The following PCDHA6 variants were observed in gnomAD, a reference collection of about 807,000 sequenced individuals.
PCDHA6 encodes the protein protocadherin alpha 6.
PCDHA6 carries 55 observed loss-of-function variants against 60.3 expected under a neutral mutation model. That is an observed-to-expected ratio of 0.91 (90% CI 0.73 to 1.14). The LOEUF (loss-of-function observed/expected upper bound fraction) is 1.14, where lower values mean the gene tolerates loss of function less well. PCDHA6 is among the 50% of genes most tolerant of loss of function. PCDHA6 has a pLI of 0.00. For missense variants in PCDHA6, 1,327 were observed against 1,256.5 expected (o/e 1.06, Z -0.85); for synonymous variants, 652 against 557.9 (o/e 1.17, Z -2.38).
chr5:140,870,147 A>G (rs1554163846), intron 1 of PCDHA6: 2 of 1,614,086 alleles, frequency 1.2e-6, no homozygotes, highest in Non-Finnish European at 1.7e-6. Flanking sequence ...ACTCTCCTGA[A>G]GTCGCCGTGA....
At chr5:140,836,227 C>T in intron 1 of PCDHA6, 2 of 1,613,736 alleles carry the variant, frequency 1.2e-6, no homozygotes, top group South Asian at 1.1e-5. Context: ...CAACCGGTGG[C>T]GGCCGGTGCG....
At chr5:140,837,831 T>C (rs1775280897) in intron 1 of PCDHA6, among the ~76,000 whole-genome samples, 1 of 151,530 alleles carries the variant, frequency 6.6e-6, no homozygotes, top group Admixed American at 6.6e-5. Flanking sequence ...TTGCATGTCA[T>C]TGTGCCTGGC....
At chr5:140,987,585 A>G (rs575330361) in intron 3 of PCDHA6, among the ~76,000 whole-genome samples, 2 of 152,236 alleles carry the variant, frequency 1.3e-5, no homozygotes, top group East Asian at 3.8e-4. Flanking sequence ...AAATGGGGAG[A>G]ATAGTGGTGT....
At chr5:140,842,950 G>A (rs2150348605) in intron 1 of PCDHA6, 1 of 1,594,728 alleles carries the variant, frequency 6.3e-7, no homozygotes, top group East Asian at 2.2e-5. Context: ...CGGGCGTGCC[G>A]CCTCTGGGCA....
At chr5:140,842,777 G>T (rs2150343988) in intron 1 of PCDHA6, 1 of 1,594,618 alleles carries the variant, frequency 6.3e-7, no homozygotes, top group Non-Finnish European at 8.6e-7. Flanking sequence ...GGACGCGCAG[G>T]AGAACGCGCT....
chr5:140,881,465 G>A, intron 1 of PCDHA6: 1 of 597,254 alleles, frequency 1.7e-6, no homozygotes, highest in Non-Finnish European at 2.1e-6. Flanking sequence ...TTAGAGCATT[G>A]TTGTGGCTAA....
At position 140,858,087 on chromosome 5, in the gene PCDHA6, G is replaced by C. The variant is rs782702941; in HGVS notation, c.2394+27602G>C. ...AGCCAGGCACCCAAGGCCTCGTCGC[G>C]GGCTTCAGTGGGCGTGGCGCCCGAG... On this transcript the variant is annotated intron_variant, in intron 1 of 3. Transcript: ENST00000529310. The C allele has an allele frequency of 3.8e-6, 6 of 1,597,710 alleles. 1 individual carries two copies. Among genetic ancestry groups the C allele is most frequent in the Non-Finnish European group, 5.1e-6 (6 of 1,167,710 alleles).
At chr5:140,848,501 A>G (rs2150411434) in intron 1 of PCDHA6, 1 of 1,586,022 alleles carries the variant, frequency 6.3e-7, no homozygotes, top group African/African-American at 1.4e-5. Flanking sequence ...TTGAAATGTT[A>G]TACTCAAGTC....
intron 1 of PCDHA6, chr5:140,856,754 G>T: frequency 6.3e-7 from 1 of 1,596,774 alleles, no homozygotes; most frequent in Non-Finnish European, 8.6e-7. Context: ...AGATGCCAAT[G>T]ATAACGCCCC....
intron 1 of PCDHA6, chr5:140,928,283 T>C (rs782493603): frequency 4.3e-6 from 7 of 1,614,178 alleles, no homozygotes; most frequent in Non-Finnish European, 5.1e-6. Flanking sequence ...GGGGCCTCTC[T>C]AGGCCGAGTG....
intron 1 of PCDHA6, among the ~76,000 whole-genome samples, chr5:140,960,655 T>C (rs2153725891): frequency 6.6e-6 from 1 of 152,296 alleles, no homozygotes; most frequent in East Asian, 1.9e-4. Context: ...TCCAAATCAA[T>C]GAATGCTTTG....
At chr5:140,834,573 T>C (rs1773106478) in intron 1 of PCDHA6, 1 of 1,614,010 alleles carries the variant, frequency 6.2e-7, no homozygotes, top group South Asian at 1.1e-5. Context: ...GCCGCGCCTG[T>C]TCCGGGCGGT....
chr5:141,008,607 C>T (rs782227320), intron 3 of PCDHA6, among the ~76,000 whole-genome samples: 33 of 152,196 alleles, frequency 2.2e-4, no homozygotes, highest in Non-Finnish European at 3.8e-4. Flanking sequence ...CCTCTGGAAC[C>T]CCATTAACTT....
At chr5:140,950,458 A>G (rs568340492) in intron 1 of PCDHA6, among the ~76,000 whole-genome samples, 5 of 152,142 alleles carry the variant, frequency 3.3e-5, no homozygotes, top group Admixed American at 2.6e-4. Flanking sequence ...CTGTCTTCTA[A>G]TGCTCATAGT....
intron 1 of PCDHA6, chr5:140,929,684 A>C: frequency 3.4e-6 from 1 of 294,182 alleles, no homozygotes; most frequent in Non-Finnish European, 6.5e-6. Flanking sequence ...AATATGTAAG[A>C]GTCTGCTTTA....
chr5:140,842,836 G>A (rs2150345985), intron 1 of PCDHA6: 2 of 1,593,818 alleles, frequency 1.3e-6, no homozygotes, highest in East Asian at 2.2e-5. Context: ...GCTCGCTGTC[G>A]AGCTACATTT....
In PCDHA6 at chr5:140,870,787, C is replaced by T. The variant is rs782200395; in HGVS notation, c.2394+40302C>T. On this transcript the variant is annotated intron_variant, in intron 1 of 3. Transcript: ENST00000529310. ...CGTGCTGGACGAGAACGACAACGCG[C>T]CGGCACTGCTGGCGACTCAGGCTGG... 6.2e-7 allele frequency: 1 copy of T among 1,613,638 alleles called. No homozygotes were observed. Among genetic ancestry groups the T allele is most frequent in the Admixed American group, 1.7e-5 (1 of 60,028 alleles).
intron 1 of PCDHA6, chr5:140,877,134 C>T (rs1339173132): frequency 1.4e-5 from 22 of 1,613,594 alleles, no homozygotes; most frequent in Non-Finnish European, 1.8e-5. Flanking sequence ...TGCAGGTGTT[C>T]GTGCTGGACG....
At chr5:140,871,254 T>A in intron 1 of PCDHA6, 1 of 1,613,952 alleles carries the variant, frequency 6.2e-7, no homozygotes, top group Non-Finnish European at 8.5e-7. Context: ...TGCTGCTGTA[T>A]ACGGCGCTGT....
Sources: allele counts gnomAD v4.1 joint callset (sites outside exome capture counted in the v4.1 genomes callset), GRCh38; gene constraint gnomAD v4.1.1; transcripts MANE v1.5; gene names NCBI Gene and HGNC (gene_info 2026-07-23, HGNC 2026-07-21).